OSBPL8: variants seen among roughly 807,000 people sequenced by gnomAD.
The protein encoded by OSBPL8 is oxysterol binding protein like 8.
In OSBPL8, 59 loss-of-function variants were observed where a neutral mutation model predicts 125.5. That is an observed-to-expected ratio of 0.47 (90% CI 0.38 to 0.58). OSBPL8 has a LOEUF of 0.58. Among genes scored for constraint, OSBPL8 ranks in the 20% least tolerant of loss-of-function variants. The pLI, the probability that OSBPL8 is intolerant of heterozygous loss-of-function variation, is 0.00. For missense variants in OSBPL8, 758 were observed against 1,047.8 expected, an observed-to-expected ratio of 0.72 and a Z score of 3.82; for synonymous variants, 330 against 338.9, an observed-to-expected ratio of 0.97 and a Z score of 0.29.
chr12:76,541,004 T>G (rs909786268), intron 1 of OSBPL8, among the ~76,000 whole-genome samples: 4 of 152,086 alleles, frequency 2.6e-5, no homozygotes, highest in African/African-American at 9.7e-5. Context: ...GCAAATAATC[T>G]CAGGGTAGAC....
intron 2 of OSBPL8, among the ~76,000 whole-genome samples, chr12:76,471,518 T>G (rs1164567275): frequency 6.6e-6 from 1 of 152,170 alleles, no homozygotes; most frequent in Non-Finnish European, 1.5e-5. Context: ...CCTTTATTTC[T>G]CATATCCACA....
rs1208660258 is a variant in OSBPL8, at chr12:76,352,783, A to G, written c.*3106T>C. The G allele has an allele frequency of 6.6e-6, 1 of 152,526 alleles. No individual in the cohort carries two copies. Among genetic ancestry groups the G allele is most frequent in the Non-Finnish European group, 1.5e-5 (1 of 67,940 alleles). The allele number at this position is 152,526 out of a possible 1,614,324, so 9.4% of individuals were successfully genotyped here. ...TTTGTTTTCTTAAATTTTGACAGAT[A>G]TTCTTCAGAAAGTTAAAACTGCCTT... On this transcript the variant is annotated 3_prime_UTR_variant, in exon 24 of 24. Transcript: ENST00000261183.
At chr12:76,363,776 A>T (rs1300561588) in intron 21 of OSBPL8, among the ~76,000 whole-genome samples, 1 of 152,240 alleles carries the variant, frequency 6.6e-6, no homozygotes, top group Non-Finnish European at 1.5e-5. Flanking sequence ...AAAGGCTAAT[A>T]TCCAGAATCT....
chr12:76,527,173 G>A (rs546324265), intron 1 of OSBPL8, among the ~76,000 whole-genome samples: 18 of 151,618 alleles, frequency 1.2e-4, no homozygotes, highest in African/African-American at 2.9e-4. Context: ...TAAGGTATAC[G>A]GTACCACCTC....
At chr12:76,410,945 T>TAG (rs1954489583) in intron 4 of OSBPL8, among the ~76,000 whole-genome samples, 1 of 152,232 alleles carries the variant, frequency 6.6e-6, no homozygotes, top group South Asian at 2.1e-4. Context: ...CAACGAATTC[T>TAG]AACTCACGGA....
At chr12:76,431,022 A>G (rs971400211) in intron 4 of OSBPL8, among the ~76,000 whole-genome samples, 1 of 152,234 alleles carries the variant, frequency 6.6e-6, no homozygotes, top group African/African-American at 2.4e-5. Flanking sequence ...TTACTAGTAA[A>G]TAATTTAGAA....
At chr12:76,367,814 C>A (rs1387298011) in intron 21 of OSBPL8, among the ~76,000 whole-genome samples, 2 of 152,280 alleles carry the variant, frequency 1.3e-5, no homozygotes, top group African/African-American at 4.8e-5. Context: ...TTCAGTAGTA[C>A]ATAAAAACTT....
At chr12:76,536,474 T>C (rs1377975122) in intron 1 of OSBPL8, among the ~76,000 whole-genome samples, 1 of 150,176 alleles carries the variant, frequency 6.7e-6, no homozygotes, top group Non-Finnish European at 1.5e-5. Context: ...ATAGATGAGA[T>C]AGTTAATCTT....
chr12:76,508,839 C>A (rs1228127124), intron 1 of OSBPL8, among the ~76,000 whole-genome samples: 2 of 152,196 alleles, frequency 1.3e-5, no homozygotes, highest in African/African-American at 4.8e-5. Context: ...CTGGGAATTA[C>A]CCACCCCTTT....
At chr12:76,375,200 T>C in intron 17 of OSBPL8, 73 bp downstream of exon 17, 3 of 981,678 alleles carry the variant, frequency 3.1e-6, no homozygotes, top group Non-Finnish European at 1.5e-6. Flanking sequence ...AGGAAATACA[T>C]GGTGCCCTTT....
chr12:76,522,057 A>G (rs964301852), intron 1 of OSBPL8, among the ~76,000 whole-genome samples: 1 of 152,194 alleles, frequency 6.6e-6, no homozygotes, highest in African/African-American at 2.4e-5. Context: ...CAAACACAAC[A>G]AATTGGTCTG....
intron 15 of OSBPL8, among the ~76,000 whole-genome samples, chr12:76,382,350 TTGTG>T (rs529629572): frequency 6.6e-6 from 1 of 151,816 alleles, no homozygotes; most frequent in Admixed American, 6.6e-5. Flanking sequence ...CGATTTTTCT[TTGTG>T]TGTGTGTGTG....
chr12:76,519,521 G>T (rs1203865180), intron 1 of OSBPL8, among the ~76,000 whole-genome samples: 1 of 151,808 alleles, frequency 6.6e-6, no homozygotes, highest in East Asian at 1.9e-4. Flanking sequence ...ACATCTTCAG[G>T]TATCTTTACA....
At chr12:76,468,470 A>G (rs1376945596) in intron 2 of OSBPL8, among the ~76,000 whole-genome samples, 3 of 152,128 alleles carry the variant, frequency 2.0e-5, no homozygotes, top group East Asian at 3.9e-4. Flanking sequence ...TGAAATTTTT[A>G]TATGTATTTT....
intron 4 of OSBPL8, among the ~76,000 whole-genome samples, chr12:76,411,631 TTA>T (rs1411176583): frequency 1.3e-5 from 2 of 152,074 alleles, no homozygotes; most frequent in East Asian, 1.9e-4. Flanking sequence ...ACTGAAAATT[TTA>T]TATGATATAA....
At chr12:76,366,496 G>T in intron 21 of OSBPL8, 1 of 362,578 alleles carries the variant, frequency 2.8e-6, no homozygotes, top group South Asian at 2.2e-5. Context: ...GCAACTTTTG[G>T]TTTGGTTTCA....
Position 76,450,889 on chromosome 12 carries a change from T to A in OSBPL8, c.179A>T (p.His60Leu). The stretch of plus-strand genomic sequence containing the variant: ...ACTTGCTGGACTAAGAGATGGCTGA[T>A]GCAAATCTTTGGTTGGCGTTGGATA... ...EAYPTPTKDLHQPSLSPASPH... is the reference protein window; with the variant it reads ...EAYPTPTKDLLQPSLSPASPH... Residue 60 changes from histidine (H) to leucine (L), a missense_variant, in exon 4 of 24, where the codon CAT becomes CTT. By Grantham distance (99) the His-to-Leu change is moderately conservative. Transcript: ENST00000261183. 1 of 1,613,772 alleles carries A rather than the reference T, an allele frequency of 6.2e-7. No individual in the cohort carries two copies. The highest frequency in any genetic ancestry group is 8.5e-7 in the Non-Finnish European group (1 of 1,179,846).
intron 1 of OSBPL8, among the ~76,000 whole-genome samples, chr12:76,533,761 T>G (rs12826771): frequency 0.18 from 26,777 of 152,140 alleles, 2,947 homozygotes; most frequent in Non-Finnish European, 0.26. Flanking sequence ...AAATGTGATT[T>G]CAGTAGGAAA....
intron 19 of OSBPL8, among the ~76,000 whole-genome samples, chr12:76,370,072 A>G (rs1338205493): frequency 6.6e-6 from 1 of 152,166 alleles, no homozygotes; most frequent in Non-Finnish European, 1.5e-5. Flanking sequence ...ATAGACTCTT[A>G]AACTCATGAT....
Sources: gnomAD v4.1 joint callset for allele counts (sites outside exome capture counted in the v4.1 genomes callset) on GRCh38, gnomAD v4.1.1 for gene constraint, MANE v1.5 for transcripts, NCBI Gene and HGNC (gene_info 2026-07-23, HGNC 2026-07-21) for gene names.